Variants in ECHDC1 observed in about 807,000 individuals in gnomAD.
ECHDC1 encodes ethylmalonyl-CoA decarboxylase.
Under a neutral mutation model 29.7 loss-of-function variants are expected in ECHDC1, and 29 were observed. The observed-to-expected ratio is 0.98, with a 90% CI of 0.73 to 1.33. The LOEUF is 1.33. Ranked by LOEUF, ECHDC1 falls within the 40% of genes most tolerant of loss-of-function variation. The pLI is 0.00. For missense variants in ECHDC1, 328 were observed against 350.0 expected (o/e 0.94, Z 0.50); for synonymous variants, 126 against 123.1 (o/e 1.02, Z -0.15).
chr6:127,309,207 C>A (rs575926414), intron 5 of ECHDC1, among the ~76,000 whole-genome samples: 62 of 152,108 alleles, frequency 4.1e-4, no homozygotes, highest in African/African-American at 1.4e-3. Flanking sequence ...TCAAATTATA[C>A]CACAGAGCTA....
chr6:127,342,366 T>C, intron 1 of ECHDC1: 2 of 1,548,512 alleles, frequency 1.3e-6, no homozygotes, highest in African/African-American at 2.7e-5. Context: ...CCTGTTTCAA[T>C]GCCATGCTTC....
intron 5 of ECHDC1, among the ~76,000 whole-genome samples, chr6:127,301,981 T>C (rs1445804791): frequency 6.6e-6 from 1 of 151,984 alleles, no homozygotes; most frequent in Non-Finnish European, 1.5e-5. Flanking sequence ...AATGGATAGG[T>C]TTTCATCAGA....
At chr6:127,329,067 A>T (rs988721278) in intron 2 of ECHDC1, among the ~76,000 whole-genome samples, 14 of 151,950 alleles carry the variant, frequency 9.2e-5, no homozygotes, top group Admixed American at 5.9e-4. Context: ...AATAAATAAA[A>T]AAAACAATGT....
intron 1 of ECHDC1, among the ~76,000 whole-genome samples, chr6:127,331,377 C>A (rs1265938494): frequency 6.6e-6 from 1 of 152,050 alleles, no homozygotes; most frequent in Non-Finnish European, 1.5e-5. Flanking sequence ...AACTCCTGAC[C>A]TCAAATGATC....
At chr6:127,342,233 G>T in intron 1 of ECHDC1, 1 of 996,342 alleles carries the variant, frequency 1.0e-6, no homozygotes, top group Non-Finnish European at 1.4e-6. Context: ...CTTCCCATTA[G>T]TCTTAGCTGC....
intron 3 of ECHDC1, among the ~76,000 whole-genome samples, chr6:127,320,221 T>A (rs900456196): frequency 2.0e-5 from 3 of 152,172 alleles, no homozygotes; most frequent in African/African-American, 7.2e-5. Context: ...TTCACCATGT[T>A]GGCCAGGTTG....
chr6:127,304,904 C>T (rs903526045), intron 5 of ECHDC1, among the ~76,000 whole-genome samples: 2 of 152,078 alleles, frequency 1.3e-5, no homozygotes, highest in African/African-American at 4.8e-5. Flanking sequence ...AGCATCCCTA[C>T]AGGATATAGA....
At chr6:127,327,302 G>A (rs1783439699) in intron 2 of ECHDC1, among the ~76,000 whole-genome samples, 158 bp from the exon 3 acceptor site, 3 of 152,170 alleles carry the variant, frequency 2.0e-5, no homozygotes. Context: ...GCACTATGGA[G>A]TATACAGAAG....
intron 5 of ECHDC1, among the ~76,000 whole-genome samples, chr6:127,298,768 C>CT (rs1272945509): frequency 6.6e-6 from 1 of 152,096 alleles, no homozygotes; most frequent in African/African-American, 2.4e-5. Context: ...TAAAAACAAA[C>CT]TTACTGCACT....
chr6:127,326,925 T>C (rs890117661), intron 3 of ECHDC1, 77 bp downstream of exon 3: 5 of 1,459,706 alleles, frequency 3.4e-6, no homozygotes, highest in Non-Finnish European at 4.6e-6. Context: ...TCATAACCAT[T>C]AGTAAAATAT....
chr6:127,312,143 C>T (rs761707758), intron 5 of ECHDC1, among the ~76,000 whole-genome samples: 5 of 152,068 alleles, frequency 3.3e-5, no homozygotes, highest in Non-Finnish European at 7.4e-5. Flanking sequence ...TAGAGATAGA[C>T]ATAGACACAC....
At chr6:127,342,921 A>G (rs901763915) in intron 1 of ECHDC1, 3 of 152,424 alleles carry the variant, frequency 2.0e-5, no homozygotes, top group African/African-American at 7.2e-5. Flanking sequence ...TAGTTAGGCA[A>G]GACAACTTAT....
intron 5 of ECHDC1, among the ~76,000 whole-genome samples, chr6:127,294,021 T>C (rs1465089459): frequency 3.9e-5 from 6 of 152,206 alleles, no homozygotes; most frequent in Non-Finnish European, 8.8e-5. Flanking sequence ...AATACAGATA[T>C]GGTTGAAGCA....
intron 5 of ECHDC1, among the ~76,000 whole-genome samples, chr6:127,297,776 A>C (rs1375612050): frequency 6.6e-6 from 1 of 152,212 alleles, no homozygotes; most frequent in African/African-American, 2.4e-5. Flanking sequence ...GGAGAGTTAC[A>C]CAAATAGCTA....
chr6:127,316,522 G>A lies in ECHDC1; in HGVS notation c.364-20C>T. 6.3e-7 allele frequency: 1 copy of A among 1,585,908 alleles called. No homozygotes were observed. The highest frequency in any genetic ancestry group is 8.6e-7 in the Non-Finnish European group (1 of 1,167,612). ...TCCATCCTTTAAATAAAAATAAGCAGAAACACAAAGGTATAATGCAAATAT... is the reference window on the plus strand; with the variant it reads ...TCCATCCTTTAAATAAAAATAAGCAAAAACACAAAGGTATAATGCAAATAT... On this transcript the variant is annotated intron_variant, in intron 3 of 5. Coordinates refer to ENST00000454859, the MANE Select transcript of ECHDC1 (RefSeq NM_001002030.2).
intron 3 of ECHDC1, among the ~76,000 whole-genome samples, chr6:127,319,208 T>C (rs910566392): frequency 1.3e-5 from 2 of 152,216 alleles, no homozygotes; most frequent in Non-Finnish European, 2.9e-5. Context: ...CTAAAGCCAA[T>C]CTGCCTACAT....
At chr6:127,315,934 C>T (rs1389818877) in intron 4 of ECHDC1, 1 of 470,538 alleles carries the variant, frequency 2.1e-6, no homozygotes, top group Non-Finnish European at 4.4e-6. Context: ...TCAAACATAC[C>T]TTGATAGGCC....
chr6:127,303,582 G>T (rs990676603), intron 5 of ECHDC1, among the ~76,000 whole-genome samples: 1 of 152,168 alleles, frequency 6.6e-6, no homozygotes, highest in Non-Finnish European at 1.5e-5. Flanking sequence ...CGCCAGCAGA[G>T]GTTGGTTTAT....
chr6:127,290,960 T>C (rs947979040), intron 5 of ECHDC1, among the ~76,000 whole-genome samples: 1 of 152,046 alleles, frequency 6.6e-6, no homozygotes, highest in African/African-American at 2.4e-5. Flanking sequence ...CACTGAATAT[T>C]TGAGCAGCCA....
Sources: gnomAD v4.1 joint callset for allele counts (sites outside exome capture counted in the v4.1 genomes callset) on GRCh38, gnomAD v4.1.1 for gene constraint, MANE v1.5 for transcripts, NCBI Gene and HGNC (gene_info 2026-07-23, HGNC 2026-07-21) for gene names.